MYO16: variants seen among roughly 807,000 people sequenced by gnomAD.
The protein encoded by MYO16 is myosin XVI.
Under a neutral mutation model 205.3 loss-of-function variants are expected in MYO16, and 94 were observed. That is an observed-to-expected ratio of 0.46 (90% confidence interval 0.39 to 0.54). The LOEUF is 0.54. Among genes scored for constraint, MYO16 ranks in the 20% least tolerant of loss-of-function variants. The pLI is 0.00. For missense variants in MYO16, 2,315 were observed against 2,387.5 expected, an observed-to-expected ratio of 0.97 and a Z score of 0.63; for synonymous variants, 988 against 954.0, an observed-to-expected ratio of 1.04 and a Z score of -0.66.
intron 15 of MYO16, among the ~76,000 whole-genome samples, chr13:108,899,463 GT>G (rs1010904289): frequency 6.6e-6 from 1 of 152,168 alleles, no homozygotes; most frequent in African/African-American, 2.4e-5. Context: ...GCTTTTAGAT[GT>G]TTAGATGTTG....
Position 108,665,920 on chromosome 13 carries a change from T to C in MYO16, c.63T>C (p.His21=), listed in dbSNP as rs1340333998. ...CFQLCNVFRS[H]EMEIDQCLLE... The stretch of plus-strand genomic sequence containing the variant: ...AGCTATGTAACGTTTTTCGATCCCA[T>C]GAGATGGAAATCGACCAGTGCTTGC... Residue 21 remains histidine, a synonymous_variant, in exon 2 of 35, where the codon CAT becomes CAC. Transcript: ENST00000457511. 1.9e-6 allele frequency: 3 copies of C among 1,613,930 alleles called. No individual in the cohort carries two copies. Among genetic ancestry groups the C allele is most frequent in the Admixed American group, 3.3e-5 (2 of 59,990 alleles).
intron 1 of MYO16, among the ~76,000 whole-genome samples, chr13:108,609,286 G>C (rs1879083342): frequency 6.6e-6 from 1 of 152,148 alleles, no homozygotes; most frequent in Non-Finnish European, 1.5e-5. Flanking sequence ...GGGAGAAAGG[G>C]CTAGAAATGG....
chr13:108,921,238 G>C (rs751140174), intron 16 of MYO16, among the ~76,000 whole-genome samples: 1 of 152,064 alleles, frequency 6.6e-6, no homozygotes, highest in Non-Finnish European at 1.5e-5. Flanking sequence ...CTTGTCCACC[G>C]GGCCTTCCTC....
intron 6 of MYO16, among the ~76,000 whole-genome samples, chr13:108,803,226 T>C (rs1229019646): frequency 6.6e-6 from 1 of 152,234 alleles, no homozygotes; most frequent in African/African-American, 2.4e-5. Context: ...ATTTGCTCTG[T>C]GCTGCCTTAA....
the MYO16 span, among the ~76,000 whole-genome samples, chr13:108,529,872 C>A: frequency 6.6e-6 from 1 of 152,146 alleles, no homozygotes; most frequent in Non-Finnish European, 1.5e-5. Context: ...CACTTGGGTG[C>A]CACTGCGATT....
At chr13:108,670,630 GAT>G (rs1411308208) in intron 2 of MYO16, among the ~76,000 whole-genome samples, 1 of 152,106 alleles carries the variant, frequency 6.6e-6, no homozygotes. Flanking sequence ...TAGAAAAAAA[GAT>G]ATAAAAAATA....
At chr13:108,843,753 A>C (rs1877369876) in intron 9 of MYO16, among the ~76,000 whole-genome samples, 1 of 152,180 alleles carries the variant, frequency 6.6e-6, no homozygotes, top group Non-Finnish European at 1.5e-5. Context: ...AATAAAGTCA[A>C]TAGAAAAATA....
At chr13:108,547,247 G>A in the MYO16 span, among the ~76,000 whole-genome samples, 1 of 149,808 alleles carries the variant, frequency 6.7e-6, no homozygotes, top group Non-Finnish European at 1.5e-5. Flanking sequence ...ACTCCAGCCT[G>A]GCCAACAGAG....
intron 14 of MYO16, among the ~76,000 whole-genome samples, chr13:108,896,465 C>G (rs1211556821): frequency 6.6e-6 from 1 of 152,028 alleles, no homozygotes; most frequent in Non-Finnish European, 1.5e-5. Context: ...AGACCTAAAC[C>G]ATAAAGTTTT....
chr13:108,535,911 G>A, the MYO16 span, among the ~76,000 whole-genome samples: 293 of 152,170 alleles, frequency 1.9e-3, no homozygotes, highest in African/African-American at 6.0e-3. Flanking sequence ...TTTGGAGTGG[G>A]GATATTTTAG....
intron 21 of MYO16, among the ~76,000 whole-genome samples, chr13:108,999,796 CAGTTCCAA>C (rs1299998060): frequency 6.6e-6 from 1 of 152,142 alleles, no homozygotes; most frequent in Non-Finnish European, 1.5e-5. Flanking sequence ...AAGCTATTTT[CAGTTCCAA>C]AGGTTCTTAG....
chr13:108,696,564 A>C (rs886588760), intron 2 of MYO16, among the ~76,000 whole-genome samples: 1 of 152,190 alleles, frequency 6.6e-6, no homozygotes, highest in Non-Finnish European at 1.5e-5. Flanking sequence ...GGATTTCTTC[A>C]GAATAACGGG....
intron 21 of MYO16, among the ~76,000 whole-genome samples, chr13:108,996,722 T>A (rs1378739276): frequency 6.6e-6 from 1 of 152,200 alleles, no homozygotes; most frequent in Non-Finnish European, 1.5e-5. Flanking sequence ...ATTCCCTTCA[T>A]GATTGAATAT....
chr13:108,931,207 G>T (rs1404030134), intron 16 of MYO16, among the ~76,000 whole-genome samples: 1 of 152,128 alleles, frequency 6.6e-6, no homozygotes, highest in East Asian at 1.9e-4. Flanking sequence ...TAAAACCACT[G>T]CTCTCAGGCA....
chr13:108,943,285 C>T (rs528761702), intron 16 of MYO16, among the ~76,000 whole-genome samples: 1 of 152,292 alleles, frequency 6.6e-6, no homozygotes, highest in South Asian at 2.1e-4. Context: ...ACCAGGACCA[C>T]ATCCTTATTA....
At chr13:109,065,683 G>A in intron 27 of MYO16, 1 of 382,740 alleles carries the variant, frequency 2.6e-6, no homozygotes, top group South Asian at 2.1e-5. Flanking sequence ...CAATGGTCAT[G>A]AAGGGCTGTG....
chr13:108,679,474 G>C (rs1280839397), intron 2 of MYO16, among the ~76,000 whole-genome samples: 4 of 152,058 alleles, frequency 2.6e-5, no homozygotes, highest in Admixed American at 2.6e-4. Context: ...CAAAGTAGGT[G>C]ATCAATAATA....
At chr13:109,197,177 C>T (rs1000464870) in intron 34 of MYO16, among the ~76,000 whole-genome samples, 2 of 152,188 alleles carry the variant, frequency 1.3e-5, no homozygotes, top group South Asian at 2.1e-4. Flanking sequence ...CAGCAAGAAA[C>T]GAGCATGGGA....
the MYO16 span, among the ~76,000 whole-genome samples, chr13:108,580,883 A>G: frequency 2.6e-5 from 4 of 152,254 alleles, no homozygotes; most frequent in East Asian, 1.9e-4. Context: ...AGAAAATAAC[A>G]TATATAAATA....
Sources: allele counts gnomAD v4.1 joint callset (sites outside exome capture counted in the v4.1 genomes callset), GRCh38; gene constraint gnomAD v4.1.1; transcripts MANE v1.5; gene names NCBI Gene and HGNC (gene_info 2026-07-23, HGNC 2026-07-21).